ABHD17B: variants seen among roughly 807,000 people sequenced by gnomAD.
ABHD17B encodes the protein alpha/beta hydrolase domain-containing protein 17B.
ABHD17B carries 9 observed loss-of-function variants against 26.2 expected under a neutral mutation model. That is an observed-to-expected ratio of 0.34 (90% CI 0.21 to 0.60). The LOEUF (loss-of-function observed/expected upper bound fraction) is 0.60. Ranked by LOEUF, ABHD17B falls within the 20% of genes least tolerant of loss-of-function variation. The pLI is 0.80. For missense variants in ABHD17B, 224 were observed against 352.1 expected, an observed-to-expected ratio of 0.64 and a Z score of 2.91; for synonymous variants, 127 against 122.3, an observed-to-expected ratio of 1.04 and a Z score of -0.25.
chr9:71,901,874 T>A (rs1589231820), intron 1 of ABHD17B, among the ~76,000 whole-genome samples: 1 of 152,234 alleles, frequency 6.6e-6, no homozygotes, highest in East Asian at 1.9e-4. Context: ...CCAGGTGATG[T>A]CACTTTCCTG....
Position 71,882,657 on chromosome 9 carries a change from CA to C in ABHD17B, c.-3-7575del, listed in dbSNP as rs1383637885. Among the ~76,000 whole-genome samples, 1,016 of 102,908 alleles carry C rather than the reference CA, an allele frequency of 9.9e-3. 11 individuals are homozygous for C. Among genetic ancestry groups the C allele is most frequent in the African/African-American group, 0.033 (899 of 27,576 alleles). 67.5% of individuals were successfully genotyped at this position (102,908 alleles called of 152,430 possible). ...TGGGCAACAGACTGAGATTCCATTT[CA>C]AAAAAAAAAAAACCAAGAAAACAAA... On this transcript the variant is annotated intron_variant, in intron 1 of 3. Coordinates refer to ENST00000333421, the MANE Select transcript of ABHD17B (RefSeq NM_001025780.3).
At chr9:71,872,428 A>G (rs1340518231) in intron 2 of ABHD17B, among the ~76,000 whole-genome samples, 1 of 152,190 alleles carries the variant, frequency 6.6e-6, no homozygotes, top group East Asian at 1.9e-4. Flanking sequence ...AGAAAAGAAA[A>G]GAAAAAAACA....
intron 1 of ABHD17B, among the ~76,000 whole-genome samples, chr9:71,893,956 G>C (rs562732113): frequency 1.3e-5 from 2 of 152,054 alleles, no homozygotes; most frequent in East Asian, 3.9e-4. Context: ...TGGGTGTGGT[G>C]GCGGGCACCT....
intron 3 of ABHD17B, among the ~76,000 whole-genome samples, chr9:71,868,432 T>A (rs1375168221): frequency 1.3e-5 from 2 of 152,120 alleles, no homozygotes; most frequent in African/African-American, 4.8e-5. Flanking sequence ...AAACAAACAC[T>A]TTTTTAAAAG....
At chr9:71,870,885 A>G (rs1003165694) in intron 2 of ABHD17B, among the ~76,000 whole-genome samples, 8 of 152,250 alleles carry the variant, frequency 5.3e-5, no homozygotes, top group Non-Finnish European at 1.0e-4. Flanking sequence ...TGGTCCAATT[A>G]TTTATGATTA....
intron 2 of ABHD17B, among the ~76,000 whole-genome samples, chr9:71,872,146 A>T (rs1826132452): frequency 6.6e-6 from 1 of 152,226 alleles, no homozygotes; most frequent in Admixed American, 6.5e-5. Flanking sequence ...ATTTAATTCA[A>T]TCTCTTCATT....
intron 1 of ABHD17B, among the ~76,000 whole-genome samples, chr9:71,905,974 C>A (rs997372746): frequency 2.0e-5 from 3 of 151,906 alleles, no homozygotes; most frequent in Non-Finnish European, 4.4e-5. Context: ...TTGAGCTTGG[C>A]GGGGGTCGAG....
chr9:71,903,903 T>C (rs1334459788), intron 1 of ABHD17B, among the ~76,000 whole-genome samples: 4 of 152,210 alleles, frequency 2.6e-5, no homozygotes, highest in Admixed American at 2.6e-4. Context: ...TAATAATACT[T>C]TTCCCAGGTT....
intron 1 of ABHD17B, among the ~76,000 whole-genome samples, chr9:71,883,522 A>G (rs1007751817): frequency 1.3e-5 from 2 of 152,230 alleles, no homozygotes; most frequent in African/African-American, 4.8e-5. Flanking sequence ...TACATCATGG[A>G]ATACAGAAAG....
intron 1 of ABHD17B, chr9:71,902,548 G>T (rs953865979): frequency 1.3e-5 from 2 of 151,808 alleles, no homozygotes; most frequent in African/African-American, 4.8e-5. Context: ...ACTGTGATCA[G>T]CCCCTAACTA....
intron 1 of ABHD17B, among the ~76,000 whole-genome samples, chr9:71,878,944 C>G (rs1826359929): frequency 6.6e-6 from 1 of 152,084 alleles, no homozygotes; most frequent in African/African-American, 2.4e-5. Context: ...TTGCTTGAGC[C>G]CAGGAATTGA....
At position 71,888,368 on chromosome 9, in the gene ABHD17B, T is replaced by C. The variant is rs75969760; in HGVS notation, c.-3-13285A>G. ...GGCATTTCTATTCTAAGAATCCAAATCATGCTTATCCTCAAACTCAAAGTT... is the reference window on the plus strand; with the variant it reads ...GGCATTTCTATTCTAAGAATCCAAACCATGCTTATCCTCAAACTCAAAGTT... On this transcript the variant is annotated intron_variant, in intron 1 of 3. Coordinates refer to ENST00000333421, the MANE Select transcript of ABHD17B (RefSeq NM_001025780.3). Among the ~76,000 whole-genome samples the C allele has an allele frequency of 9.2e-3, 1,394 of 152,348 alleles. 21 individuals carry two copies. Among genetic ancestry groups the C allele is most frequent in the African/African-American group, 0.031 (1,294 of 41,584 alleles).
chr9:71,876,391 T>C (rs1302326747), intron 1 of ABHD17B, among the ~76,000 whole-genome samples: 1 of 152,210 alleles, frequency 6.6e-6, no homozygotes, highest in Non-Finnish European at 1.5e-5. Flanking sequence ...AGGCCCATCA[T>C]ACAACATACG....
At chr9:71,884,637 A>G (rs1048927696) in intron 1 of ABHD17B, among the ~76,000 whole-genome samples, 6 of 151,208 alleles carry the variant, frequency 4.0e-5, no homozygotes, top group Admixed American at 6.6e-5. Flanking sequence ...TTGAAGGGAA[A>G]AAAAAAAAAA....
At chr9:71,901,174 A>T (rs1005378107) in intron 1 of ABHD17B, among the ~76,000 whole-genome samples, 10 of 146,068 alleles carry the variant, frequency 6.8e-5, no homozygotes, top group South Asian at 2.2e-4. Context: ...TAAATAAATA[A>T]TTTTTTTTTT....
At chr9:71,903,832 T>A (rs1827210499) in intron 1 of ABHD17B, among the ~76,000 whole-genome samples, 1 of 152,056 alleles carries the variant, frequency 6.6e-6, no homozygotes, top group African/African-American at 2.4e-5. Context: ...AAGTACAGAG[T>A]GCTATGAGAA....
intron 2 of ABHD17B, among the ~76,000 whole-genome samples, chr9:71,873,018 T>C (rs1014905725): frequency 3.3e-5 from 5 of 151,954 alleles, no homozygotes; most frequent in African/African-American, 1.2e-4. Context: ...ATATCTTTAA[T>C]AATATTAACT....
chr9:71,906,267 G>T (rs1020992078), intron 1 of ABHD17B, among the ~76,000 whole-genome samples: 5 of 152,168 alleles, frequency 3.3e-5, no homozygotes, highest in African/African-American at 1.2e-4. Context: ...AAAGAGGTAA[G>T]ATTGCACTTT....
chr9:71,866,710 C>T lies in ABHD17B; in HGVS notation c.*77G>A, dbSNP rs181805585. On this transcript the variant is annotated 3_prime_UTR_variant, in exon 4 of 4. Transcript: ENST00000333421. ...AACTGACATGATTTGCAAACAAAAC[C>T]TTCAGGTTTTATGTTATTTACCAAA... 1.5e-3 allele frequency: 2,286 copies of T among 1,557,894 alleles called. 5 individuals carry two copies. Among genetic ancestry groups the T allele is most frequent in the Middle Eastern group, 6.0e-3 (35 of 5,842 alleles).
Sources: gnomAD v4.1 joint callset for allele counts (sites outside exome capture counted in the v4.1 genomes callset) on GRCh38, gnomAD v4.1.1 for gene constraint, MANE v1.5 for transcripts, NCBI Gene and HGNC (gene_info 2026-07-23, HGNC 2026-07-21) for gene names.